MSRA: variants seen among roughly 807,000 people sequenced by gnomAD.
MSRA encodes methionine sulfoxide reductase A.
In MSRA, 54 loss-of-function variants were observed where a neutral mutation model predicts 31.3. The ratio of observed to expected loss-of-function variants is 1.73; its 90% CI spans 1.39 to 2.17. The LOEUF (loss-of-function observed/expected upper bound fraction) is 2.17. Ranked by LOEUF, MSRA falls within the 30% of genes most tolerant of loss-of-function variation. The probability of loss-of-function intolerance (pLI) is 0.00; values close to 1 mark genes in which losing one functional copy is unlikely to be tolerated. For synonymous variants in MSRA, 169 were observed against 116.5 expected (o/e 1.45, Z -2.90); for missense variants, 507 against 300.9 (o/e 1.69, Z -5.07).
intron 3 of MSRA, among the ~76,000 whole-genome samples, chr8:10,265,708 A>C (rs1224982215): frequency 6.6e-6 from 1 of 152,216 alleles, no homozygotes; most frequent in Non-Finnish European, 1.5e-5. Context: ...GATAATGAGC[A>C]GATCCATTCC....
At chr8:10,207,458 G>C (rs1809095867) in intron 1 of MSRA, among the ~76,000 whole-genome samples, 2 of 152,202 alleles carry the variant, frequency 1.3e-5, no homozygotes, top group Non-Finnish European at 2.9e-5. Context: ...GAGTCTGCAG[G>C]GGGACTCACC....
intron 5 of MSRA, among the ~76,000 whole-genome samples, chr8:10,380,649 C>G (rs889115589): frequency 6.6e-5 from 10 of 152,132 alleles, no homozygotes; most frequent in Admixed American, 3.3e-4. Flanking sequence ...CTTTATGTCT[C>G]TGGAAACCAG....
Position 10,138,673 on chromosome 8 carries a change from AT to A in MSRA, c.143-69153del, listed in dbSNP as rs1158431743. Reference sequence around the variant, plus strand: ...GGAATAGAAGACTCTAAACACATTTATTTTTTTCTTCCTGAATCATCCTTGG... The same window carrying A: ...GGAATAGAAGACTCTAAACACATTTATTTTTTCTTCCTGAATCATCCTTGG... On this transcript the variant is annotated intron_variant, in intron 1 of 5. Transcript: ENST00000317173. 3.3e-5 allele frequency among the ~76,000 whole-genome samples: 5 copies of A among 152,232 alleles called. No individual in the cohort carries two copies. In the East Asian group the frequency reaches 9.6e-4, roughly 29 times the overall value.
intron 3 of MSRA, among the ~76,000 whole-genome samples, chr8:10,278,948 A>G (rs928358259): frequency 3.3e-5 from 5 of 152,190 alleles, no homozygotes; most frequent in Admixed American, 6.5e-5. Context: ...TGCTAGTCTC[A>G]TTGAGCATGC....
At chr8:10,262,810 G>C (rs182330263) in intron 3 of MSRA, among the ~76,000 whole-genome samples, 2 of 152,352 alleles carry the variant, frequency 1.3e-5, no homozygotes, top group African/African-American at 4.8e-5. Flanking sequence ...AGAAAGTCAG[G>C]TTGGACTGTT....
intron 5 of MSRA, among the ~76,000 whole-genome samples, chr8:10,379,718 A>C (rs1447421475): frequency 6.6e-6 from 1 of 152,218 alleles, no homozygotes; most frequent in Non-Finnish European, 1.5e-5. Context: ...TTTTGTTAGG[A>C]TAAATTCCTA....
chr8:10,405,171 A>G (rs907900642), intron 5 of MSRA, among the ~76,000 whole-genome samples: 3 of 152,118 alleles, frequency 2.0e-5, no homozygotes, highest in Non-Finnish European at 4.4e-5. Context: ...CACAGTGACC[A>G]TGTGCCAGGT....
intron 2 of MSRA, among the ~76,000 whole-genome samples, chr8:10,213,159 T>C (rs920015077): frequency 2.0e-5 from 3 of 152,122 alleles, no homozygotes; most frequent in African/African-American, 7.2e-5. Flanking sequence ...ATATTTTGCA[T>C]CCATTAACGA....
chr8:10,244,866 T>G (rs1797532374), intron 2 of MSRA, among the ~76,000 whole-genome samples: 1 of 152,134 alleles, frequency 6.6e-6, no homozygotes, highest in African/African-American at 2.4e-5. Flanking sequence ...ATTTGAGGCC[T>G]TCTAAGTTTT....
At chr8:10,368,141 T>C (rs1011698739) in intron 5 of MSRA, among the ~76,000 whole-genome samples, 36 of 152,364 alleles carry the variant, frequency 2.4e-4, no homozygotes, top group African/African-American at 8.2e-4. Flanking sequence ...GGTACCTCGC[T>C]GATCCAGATC....
At chr8:10,106,947 C>T (rs536338089) in intron 1 of MSRA, among the ~76,000 whole-genome samples, 57 of 152,220 alleles carry the variant, frequency 3.7e-4, no homozygotes, top group African/African-American at 1.3e-3. Flanking sequence ...ACCTTCCCAC[C>T]CACCTACGCA....
intron 5 of MSRA, 53 bp from the exon 6 acceptor site, chr8:10,428,095 A>G: frequency 6.4e-7 from 1 of 1,570,728 alleles, no homozygotes; most frequent in Admixed American, 1.9e-5. Flanking sequence ...CACCCCTCGC[A>G]GGTGCTGTCT....
At chr8:10,331,317 G>T (rs1439712387) in intron 5 of MSRA, among the ~76,000 whole-genome samples, 1 of 152,196 alleles carries the variant, frequency 6.6e-6, no homozygotes, top group Non-Finnish European at 1.5e-5. Context: ...CTGGAGCCCT[G>T]GCTCTGCCTG....
At chr8:10,407,034 C>T (rs1807861143) in intron 5 of MSRA, among the ~76,000 whole-genome samples, 1 of 152,168 alleles carries the variant, frequency 6.6e-6, no homozygotes, top group Admixed American at 6.5e-5. Context: ...TGTGTCACCA[C>T]ACTTGGCTAA....
At chr8:10,142,436 C>T (rs1480637436) in intron 1 of MSRA, among the ~76,000 whole-genome samples, 1 of 152,222 alleles carries the variant, frequency 6.6e-6, no homozygotes, top group African/African-American at 2.4e-5. Context: ...AATCCGTGTT[C>T]TGTCCTCTAG....
intron 1 of MSRA, among the ~76,000 whole-genome samples, chr8:10,204,278 A>T (rs1314367412): frequency 2.0e-5 from 3 of 152,238 alleles, no homozygotes; most frequent in Non-Finnish European, 4.4e-5. Flanking sequence ...AGTGTAGCCT[A>T]AGTGCGTGAT....
chr8:10,273,666 C>G (rs1256111774), intron 3 of MSRA, among the ~76,000 whole-genome samples: 1 of 152,104 alleles, frequency 6.6e-6, no homozygotes, highest in Non-Finnish European at 1.5e-5. Context: ...ATAATTGTAT[C>G]AAAACTTTTC....
intron 1 of MSRA, among the ~76,000 whole-genome samples, chr8:10,062,108 C>A (rs2128912969): frequency 6.6e-6 from 1 of 152,314 alleles, no homozygotes; most frequent in Middle Eastern, 3.4e-3. Flanking sequence ...GGCCGCCAGG[C>A]CCTCAGCAAG....
rs766513354 is a variant in MSRA, at chr8:10,249,966, G to A, written c.331+4743G>A. ...TTACTGGAAAGGTGCCACATGTAAA[G>A]CATTGCACCAGGTCCTAGGGGAAGG... On this transcript the variant is annotated intron_variant, in intron 3 of 5. Coordinates refer to ENST00000317173, the MANE Select transcript of MSRA (RefSeq NM_012331.5). Among the ~76,000 whole-genome samples the A allele has an allele frequency of 5.0e-4, 76 of 152,292 alleles. 2 individuals carry two copies. The highest frequency in any genetic ancestry group is 8.8e-4 in the Non-Finnish European group (60 of 68,022).
Sources: allele counts gnomAD v4.1 joint callset (sites outside exome capture counted in the v4.1 genomes callset), GRCh38; gene constraint gnomAD v4.1.1; transcripts MANE v1.5; gene names NCBI Gene and HGNC (gene_info 2026-07-23, HGNC 2026-07-21).